Variants in ZNF148 observed in about 807,000 individuals in gnomAD.
The protein encoded by ZNF148 is zinc finger protein 148.
Under a neutral mutation model 67.7 loss-of-function variants are expected in ZNF148, and 7 were observed. That is an observed-to-expected ratio of 0.10 (90% confidence interval 0.06 to 0.19). ZNF148 has a LOEUF of 0.19. ZNF148 is among the 10% of genes least tolerant of loss of function. The probability of loss-of-function intolerance (pLI) is 1.00; values close to 1 mark genes in which losing one functional copy is unlikely to be tolerated. For missense variants in ZNF148, 583 were observed against 947.1 expected (o/e 0.62, Z 5.05); for synonymous variants, 333 against 330.7 (o/e 1.01, Z -0.08).
At chr3:125,270,584 G>A (rs907722385) in intron 7 of ZNF148, among the ~76,000 whole-genome samples, 1 of 152,130 alleles carries the variant, frequency 6.6e-6, no homozygotes, top group Non-Finnish European at 1.5e-5. Context: ...TTAAAGGAAG[G>A]CAGGTTAACA....
At chr3:125,246,029 C>T (rs998836175) in intron 7 of ZNF148, among the ~76,000 whole-genome samples, 3 of 152,150 alleles carry the variant, frequency 2.0e-5, no homozygotes, top group Non-Finnish European at 4.4e-5. Flanking sequence ...AACTACCATG[C>T]TTTTTTCTTA....
intron 7 of ZNF148, among the ~76,000 whole-genome samples, chr3:125,258,551 A>G (rs979244274): frequency 1.3e-5 from 2 of 151,996 alleles, no homozygotes; most frequent in Admixed American, 6.6e-5. Flanking sequence ...ACAGGTGTGC[A>G]CCACTGCACC....
At chr3:125,253,098 A>T (rs1282792659) in intron 7 of ZNF148, among the ~76,000 whole-genome samples, 1 of 152,192 alleles carries the variant, frequency 6.6e-6, no homozygotes, top group Non-Finnish European at 1.5e-5. Flanking sequence ...TAATTCATAG[A>T]TCAGTTAGTA....
At chr3:125,271,550 C>A (rs1399135771) in intron 7 of ZNF148, among the ~76,000 whole-genome samples, 1 of 152,218 alleles carries the variant, frequency 6.6e-6, no homozygotes, top group Non-Finnish European at 1.5e-5. Flanking sequence ...TGGTTAAGGG[C>A]ACAAACTTCG....
chr3:125,274,125 C>G (rs1023463154), intron 7 of ZNF148, among the ~76,000 whole-genome samples: 9 of 152,016 alleles, frequency 5.9e-5, no homozygotes, highest in Admixed American at 1.3e-4. Context: ...GCACCTTAGA[C>G]AAGGAAAGGG....
chr3:125,357,335 CTT>C, intron 1 of ZNF148: 1 of 154,130 alleles, frequency 6.5e-6, no homozygotes, highest in African/African-American at 2.4e-5. Context: ...CACGCACGCA[CTT>C]ACACACAAAA....
chr3:125,356,252 A>C (rs1942338776), intron 1 of ZNF148, among the ~76,000 whole-genome samples: 1 of 152,128 alleles, frequency 6.6e-6, no homozygotes, highest in African/African-American at 2.4e-5. Flanking sequence ...GCTCAGCCCT[A>C]TTTTCCACCA....
chr3:125,357,634 A>C (rs570389259), intron 1 of ZNF148: 1 of 152,594 alleles, frequency 6.6e-6, no homozygotes, highest in African/African-American at 2.4e-5. Flanking sequence ...AGCTGGCCCA[A>C]TCGGGCCTGG....
chr3:125,342,073 GAAC>G (rs1183817449), intron 1 of ZNF148, among the ~76,000 whole-genome samples: 3 of 150,554 alleles, frequency 2.0e-5, no homozygotes, highest in African/African-American at 7.4e-5. Flanking sequence ...CACCCAATCT[GAAC>G]AAGAGAAGAA....
intron 3 of ZNF148, among the ~76,000 whole-genome samples, chr3:125,321,287 A>T (rs1209212589): frequency 6.6e-6 from 1 of 152,190 alleles, no homozygotes; most frequent in African/African-American, 2.4e-5. Flanking sequence ...ATCAGTGCTA[A>T]CAAGAAAGGA....
chr3:125,244,499 T>C (rs1470426427), intron 7 of ZNF148, among the ~76,000 whole-genome samples: 1 of 152,018 alleles, frequency 6.6e-6, no homozygotes, highest in Non-Finnish European at 1.5e-5. Flanking sequence ...GAAATCTTTT[T>C]TGTTTTTTTT....
chr3:125,340,802 C>T (rs569832352), intron 1 of ZNF148, among the ~76,000 whole-genome samples: 5 of 151,428 alleles, frequency 3.3e-5, no homozygotes, highest in South Asian at 4.2e-4. Context: ...CCGGCTAAAA[C>T]GGTGAAACCC....
rs1193913820 is a variant in ZNF148, at chr3:125,233,808, T to C, written c.918A>G (p.Ser306=). 6.2e-6 allele frequency: 10 copies of C among 1,613,740 alleles called. No homozygotes were observed. Among genetic ancestry groups the C allele is most frequent in the Non-Finnish European group, 8.5e-6 (10 of 1,179,894 alleles). The part of the protein sequence containing the change: ...TSEEDSGFST[S]PKDNSLPKKK... ...TTTTTGGCAGTGAGTTGTCTTTTGG[T>C]GATGTAGAAAAGCCAGAATCTTCCT... Residue 306 remains serine, a synonymous_variant, in exon 9 of 9, where the codon TCA becomes TCG. Transcript: ENST00000360647. The surrounding 1 kb of genome is among the most constrained non-coding windows in gnomAD (Gnocchi z 5.1).
rs749851137 is a variant in ZNF148, at chr3:125,232,763, G to C, written c.1963C>G (p.Pro655Ala). 10 of 1,613,778 alleles carry C rather than the reference G, an allele frequency of 6.2e-6. No individual in the cohort carries two copies. Among genetic ancestry groups the C allele is most frequent in the South Asian group, 1.1e-5 (1 of 91,088 alleles). The change falls in exon 9 of 9, where the codon CCC (proline) becomes GCC (alanine). Residue 655 changes from proline (P) to alanine (A), a missense_variant. Coordinates refer to ENST00000360647, the MANE Select transcript of ZNF148 (RefSeq NM_021964.3). The surrounding 1 kb of genome is among the most constrained non-coding windows in gnomAD (Gnocchi z 4.2). The part of the protein sequence containing the change: ...SIDKQVYATM[P>A]INSFRSGMNS... ...ATTCCTGATCGAAAGCTATTGATGG[G>C]CATGGTGGCATAGACCTGCTTGTCT... is the stretch of plus-strand genomic sequence containing the variant.
At chr3:125,374,376 T>C (rs1462944603) in intron 1 of ZNF148, among the ~76,000 whole-genome samples, 2 of 152,164 alleles carry the variant, frequency 1.3e-5, no homozygotes, top group African/African-American at 4.8e-5. Context: ...CTCTACTATT[T>C]AGCACTCCCT....
intron 7 of ZNF148, among the ~76,000 whole-genome samples, chr3:125,266,627 A>T (rs1937536194): frequency 1.3e-5 from 2 of 152,186 alleles, no homozygotes; most frequent in Non-Finnish European, 2.9e-5. Context: ...GGACAGAAAG[A>T]TTTCAAATTA....
intron 7 of ZNF148, among the ~76,000 whole-genome samples, chr3:125,267,290 T>A (rs903311700): frequency 6.7e-6 from 1 of 149,738 alleles, no homozygotes; most frequent in Non-Finnish European, 1.5e-5. Flanking sequence ...AAGGCCAACA[T>A]CCCTGATGGA....
At chr3:125,368,709 C>T (rs1559787414) in intron 1 of ZNF148, among the ~76,000 whole-genome samples, 1 of 152,008 alleles carries the variant, frequency 6.6e-6, no homozygotes, top group African/African-American at 2.4e-5. Flanking sequence ...CTTTGGGAGG[C>T]CAAGGTGAGT....
intron 4 of ZNF148, among the ~76,000 whole-genome samples, chr3:125,300,052 A>G (rs1274309103): frequency 6.6e-6 from 1 of 152,152 alleles, no homozygotes; most frequent in African/African-American, 2.4e-5. Context: ...GCTCACTGCA[A>G]CCTCCACCTC....
Sources: allele counts gnomAD v4.1 joint callset (sites outside exome capture counted in the v4.1 genomes callset), GRCh38; gene constraint gnomAD v4.1.1; non-coding constraint Gnocchi (gnomAD v3.1); transcripts MANE v1.5; gene names NCBI Gene and HGNC (gene_info 2026-07-23, HGNC 2026-07-21).